The following DGLUCY variants were observed in gnomAD, a reference collection of about 807,000 sequenced individuals.
The protein encoded by DGLUCY is D-glutamate cyclase, also known as D-glutamate cyclase, mitochondrial.
In DGLUCY, 58 loss-of-function variants were observed where a neutral mutation model predicts 58.5. That is an observed-to-expected ratio of 0.99 (90% CI 0.80 to 1.23). The LOEUF is 1.23. Among genes scored for constraint, DGLUCY ranks in the 50% most tolerant of loss-of-function variants. The probability of loss-of-function intolerance (pLI) is 0.00; values close to 1 mark genes in which losing one functional copy is unlikely to be tolerated. For missense variants in DGLUCY, 779 were observed against 784.7 expected, an observed-to-expected ratio of 0.99 and a Z score of 0.09; for synonymous variants, 325 against 314.1, an observed-to-expected ratio of 1.03 and a Z score of -0.37.
Position 91,074,118 on chromosome 14 carries a change from T to TACACACACAC in DGLUCY, c.-82+13448_-82+13457dup, listed in dbSNP as rs3086753. Among the ~76,000 whole-genome samples the TACACACACAC allele has an allele frequency of 8.1e-3, 571 of 70,310 alleles. 9 individuals are homozygous for TACACACACAC. The highest frequency in any genetic ancestry group is 0.014 in the South Asian group (20 of 1,444). The allele number at this position is 70,310 out of a possible 152,430, so 46.1% of individuals were successfully genotyped here. A position where few individuals can be genotyped will look rare whatever the true frequency, so the allele number is the denominator to read the frequency against. ...CAAAAAAAAAAAATATATATATATA[T>TACACACACAC]ACACACACACACACACACACACACA... On this transcript the variant is annotated intron_variant, in intron 1 of 4. Coordinates refer to the DGLUCY transcript ENST00000521334.
chr14:91,182,241 G>T (rs577307287), intron 8 of DGLUCY, among the ~76,000 whole-genome samples: 8 of 151,602 alleles, frequency 5.3e-5, no homozygotes, highest in Non-Finnish European at 1.2e-4. Flanking sequence ...TCGGCCTCCC[G>T]AAGTGCTGGG....
intron 1 of DGLUCY, among the ~76,000 whole-genome samples, chr14:91,139,609 C>T (rs1252952631): frequency 2.6e-5 from 4 of 152,138 alleles, no homozygotes; most frequent in Admixed American, 1.3e-4. Context: ...AGCTTGAACT[C>T]GGGAGGCAGA....
intron 13 of DGLUCY, among the ~76,000 whole-genome samples, chr14:91,220,272 G>T (rs772210729): frequency 6.6e-6 from 1 of 152,232 alleles, no homozygotes; most frequent in African/African-American, 2.4e-5. Context: ...GAGTGGGGCC[G>T]TAACAGATCT....
At position 91,224,802 on chromosome 14, in the gene DGLUCY, A is replaced by C; in HGVS notation, c.1835A>C (p.Lys612Thr). Residue 612 changes from lysine to threonine, a missense_variant, in exon 14 of 14, where the codon AAG becomes ACG. By Grantham distance (78) the Lys-to-Thr change is moderately conservative. Transcript: ENST00000256324. ...AACACCCACGCCGAGATGATCCAGA[A>C]GCTGGTGGACGTCACCACGGCACAG... ...FHNTHAEMIQ[K>T]LVDVTTAQV 6.2e-7 allele frequency: 1 copy of C among 1,613,440 alleles called. No homozygotes were observed. Among genetic ancestry groups the C allele is most frequent in the Non-Finnish European group, 8.5e-7 (1 of 1,179,546 alleles).
At chr14:91,088,299 C>T (rs2044254126) in intron 1 of DGLUCY, among the ~76,000 whole-genome samples, 2 of 152,236 alleles carry the variant, frequency 1.3e-5, no homozygotes, top group Admixed American at 1.3e-4. Flanking sequence ...TTTTGCTTCA[C>T]CTCCCTGGGG....
intron 1 of DGLUCY, chr14:91,060,990 G>C (rs1170875210): frequency 6.6e-6 from 1 of 152,406 alleles, no homozygotes; most frequent in Non-Finnish European, 1.5e-5. Flanking sequence ...CCCCAGCTTC[G>C]ATCTGTTAGT....
chr14:91,116,666 C>T (rs577630298), intron 1 of DGLUCY, among the ~76,000 whole-genome samples: 2 of 152,180 alleles, frequency 1.3e-5, no homozygotes, highest in South Asian at 4.1e-4. Context: ...AAGGAATAGG[C>T]CGGGCGTGGT....
intron 1 of DGLUCY, among the ~76,000 whole-genome samples, chr14:91,149,064 A>G (rs2047165782): frequency 6.6e-6 from 1 of 152,088 alleles, no homozygotes; most frequent in African/African-American, 2.4e-5. Context: ...CCTGACCAAC[A>G]TGGAGAAACC....
At chr14:91,204,077 A>G (rs1183125444) in intron 11 of DGLUCY, among the ~76,000 whole-genome samples, 2 of 152,232 alleles carry the variant, frequency 1.3e-5, no homozygotes, top group African/African-American at 4.8e-5. Context: ...AATGAATTAA[A>G]TCATTTTTAA....
rs1037099796 is a variant in DGLUCY, at chr14:91,065,223, C to T, written c.-82+4519C>T. On this transcript the variant is annotated intron_variant, in intron 1 of 4. Coordinates refer to the DGLUCY transcript ENST00000521334. Reference sequence around the variant, plus strand: ...GATCTATCCAGGCAGCTTGTATAAACGCTGATTAGCACAGGGCTCCAGTGG... The same window carrying T: ...GATCTATCCAGGCAGCTTGTATAAATGCTGATTAGCACAGGGCTCCAGTGG... Among the ~76,000 whole-genome samples the T allele has an allele frequency of 3.0e-4, 45 of 152,166 alleles. 1 individual carries two copies. Among genetic ancestry groups the T allele is most frequent in the Admixed American group, 2.6e-3 (39 of 15,268 alleles).
intron 1 of DGLUCY, among the ~76,000 whole-genome samples, chr14:91,070,181 C>G (rs2043892153): frequency 6.6e-6 from 1 of 152,036 alleles, no homozygotes; most frequent in African/African-American, 2.4e-5. Flanking sequence ...TAGGGAGAAG[C>G]TGGAGGATGG....
chr14:91,072,099 G>T (rs1226765500), intron 1 of DGLUCY, among the ~76,000 whole-genome samples: 1 of 152,064 alleles, frequency 6.6e-6, no homozygotes, highest in African/African-American at 2.4e-5. Flanking sequence ...CAGGCAGGAG[G>T]ATCGCTTGAG....
At chr14:91,066,938 G>A (rs993803979) in intron 1 of DGLUCY, among the ~76,000 whole-genome samples, 6 of 151,748 alleles carry the variant, frequency 4.0e-5, no homozygotes, top group South Asian at 4.2e-4. Flanking sequence ...AAAATTAGCC[G>A]TGCATGGTGG....
chr14:91,062,602 TATATATATA>T (rs1487722104), intron 1 of DGLUCY, among the ~76,000 whole-genome samples: 633 of 34,078 alleles, frequency 0.019, 54 homozygotes, highest in South Asian at 0.033. Context: ...TATATATATA[TATATATATA>T]AACAATCCTT....
intron 8 of DGLUCY, among the ~76,000 whole-genome samples, chr14:91,187,562 G>A (rs1006902526): frequency 1.3e-5 from 2 of 152,194 alleles, no homozygotes; most frequent in African/African-American, 4.8e-5. Flanking sequence ...TATCCTCTGG[G>A]CTGCCTGGGT....
intron 1 of DGLUCY, among the ~76,000 whole-genome samples, chr14:91,156,430 C>A (rs1215349711): frequency 1.3e-5 from 2 of 152,164 alleles, no homozygotes; most frequent in Non-Finnish European, 2.9e-5. Flanking sequence ...TAAATCATTT[C>A]TTTTACAAAC....
intron 12 of DGLUCY, among the ~76,000 whole-genome samples, chr14:91,211,563 G>C (rs1178308120): frequency 2.0e-5 from 3 of 152,176 alleles, no homozygotes; most frequent in African/African-American, 7.2e-5. Context: ...AAGGAGCAAA[G>C]GCAATGCAAT....
At chr14:91,171,576 T>A (rs2048575194) in intron 5 of DGLUCY, among the ~76,000 whole-genome samples, 1 of 152,228 alleles carries the variant, frequency 6.6e-6, no homozygotes, top group African/African-American at 2.4e-5. Flanking sequence ...TCCTGGGTGC[T>A]ATTATGCAGA....
At chr14:91,098,729 C>T (rs1376207773) in intron 1 of DGLUCY, among the ~76,000 whole-genome samples, 3 of 152,186 alleles carry the variant, frequency 2.0e-5, no homozygotes, top group Admixed American at 1.3e-4. Context: ...AAGGCAGACT[C>T]GATACTCTAT....
Sources: allele counts gnomAD v4.1 joint callset (sites outside exome capture counted in the v4.1 genomes callset), GRCh38; gene constraint gnomAD v4.1.1; transcripts MANE v1.5; gene names NCBI Gene and HGNC (gene_info 2026-07-23, HGNC 2026-07-21).